PRRC2B: variants seen among roughly 807,000 people sequenced by gnomAD.
PRRC2B encodes the protein protein PRRC2B.
In PRRC2B, 68 loss-of-function variants were observed where a neutral mutation model predicts 242.3. The ratio of observed to expected loss-of-function variants is 0.28; its 90% CI spans 0.23 to 0.34. The LOEUF (loss-of-function observed/expected upper bound fraction) is 0.34, where lower values mean the gene tolerates loss of function less well. Among genes scored for constraint, PRRC2B ranks in the 10% least tolerant of loss-of-function variants. PRRC2B has a pLI of 1.00. For missense variants in PRRC2B, 2,835 were observed against 2,954.8 expected (o/e 0.96, Z 0.94); for synonymous variants, 1,228 against 1,173.6 (o/e 1.05, Z -0.95).
At chr9:131,455,867 C>T (rs926698110) in intron 10 of PRRC2B, among the ~76,000 whole-genome samples, 9 of 151,848 alleles carry the variant, frequency 5.9e-5, no homozygotes, top group Middle Eastern at 6.8e-3. Flanking sequence ...AATTCCAGCA[C>T]TTTGGGAGGC....
At chr9:131,411,131 C>T (rs970674931) in intron 1 of PRRC2B, among the ~76,000 whole-genome samples, 1 of 151,616 alleles carries the variant, frequency 6.6e-6, no homozygotes, top group Non-Finnish European at 1.5e-5. Context: ...GTGGCAGGCA[C>T]CTGTAATCCC....
chr9:131,457,978 C>T (rs1394276504), intron 10 of PRRC2B, among the ~76,000 whole-genome samples: 2 of 152,150 alleles, frequency 1.3e-5, no homozygotes, highest in Non-Finnish European at 2.9e-5. Flanking sequence ...TCCCGCTTTT[C>T]TCTGATCTGC....
At chr9:131,411,513 A>AT (rs1385772377) in intron 1 of PRRC2B, among the ~76,000 whole-genome samples, 7 of 150,606 alleles carry the variant, frequency 4.6e-5, no homozygotes, top group African/African-American at 1.7e-4. Context: ...CGCCTGGCTA[A>AT]TTTTTTGTAT....
intron 1 of PRRC2B, among the ~76,000 whole-genome samples, chr9:131,408,908 G>A (rs1182461245): frequency 2.6e-5 from 4 of 151,904 alleles, no homozygotes; most frequent in Admixed American, 2.0e-4. Context: ...CAGTAGAGAC[G>A]AGGTTTCTCC....
intron 1 of PRRC2B, among the ~76,000 whole-genome samples, chr9:131,425,519 C>T (rs532330510): frequency 6.6e-6 from 1 of 151,988 alleles, no homozygotes; most frequent in Admixed American, 6.6e-5. Context: ...GATGGAGTTT[C>T]GCTCTGTCAC....
rs1282204105 is a variant in PRRC2B, at chr9:131,482,232, G to A, written c.4984-139G>A. 1.2e-5 allele frequency: 11 copies of A among 944,378 alleles called. No individual in the cohort carries two copies. Among genetic ancestry groups the A allele is most frequent in the Middle Eastern group, 6.0e-4 (2 of 3,324 alleles). 58.5% of individuals were successfully genotyped at this position (944,378 alleles called of 1,614,324 possible). A position where few individuals can be genotyped will look rare whatever the true frequency, so the allele number is the denominator to read the frequency against. Reference sequence around the variant, plus strand: ...CGTAAGTTGTCAGGCATCCTCAGCAGGGCAGGATCAAGATCAGGACCAGAC... The same window carrying A: ...CGTAAGTTGTCAGGCATCCTCAGCAAGGCAGGATCAAGATCAGGACCAGAC... On this transcript the variant is annotated intron_variant, in intron 20 of 31. Transcript: ENST00000683519. This position sits in a 1 kb window ranked among gnomAD's most constrained non-coding sequence, Gnocchi z 5.2.
chr9:131,473,453 A>C (rs753789406), intron 14 of PRRC2B, 55 bp from the exon 15 acceptor site: 348 of 1,390,678 alleles, frequency 2.5e-4, no homozygotes, highest in Non-Finnish European at 2.6e-4. Context: ...TGACCCTGAG[A>C]TTGGAGCAGG....
At chr9:131,495,140 G>T (rs1944296084) in intron 31 of PRRC2B, among the ~76,000 whole-genome samples, 1 of 152,142 alleles carries the variant, frequency 6.6e-6, no homozygotes. Flanking sequence ...TTCAGACCTG[G>T]TGGGGGGCAG....
intron 5 of PRRC2B, among the ~76,000 whole-genome samples, chr9:131,440,991 C>T (rs1034599913): frequency 4.6e-5 from 7 of 152,078 alleles, no homozygotes; most frequent in African/African-American, 7.2e-5. Flanking sequence ...GTCCCAGCTA[C>T]TTGGGAGGCT....
At chr9:131,460,113 T>G (rs1347414534) in intron 11 of PRRC2B, among the ~76,000 whole-genome samples, 1 of 152,226 alleles carries the variant, frequency 6.6e-6, no homozygotes, top group Non-Finnish European at 1.5e-5. Context: ...CTTTACACTG[T>G]GGTACTTGTT....
chr9:131,495,268 G>A (rs976746974), intron 31 of PRRC2B, among the ~76,000 whole-genome samples: 3 of 152,122 alleles, frequency 2.0e-5, no homozygotes, highest in African/African-American at 4.8e-5. Context: ...ATGGTGGGGG[G>A]GTTGGCTGAA....
chr9:131,447,980 T>G, intron 9 of PRRC2B, 176 bp downstream of exon 9: 1 of 515,478 alleles, frequency 1.9e-6, no homozygotes, highest in South Asian at 5.7e-5. Flanking sequence ...TGACTAGAGG[T>G]TCCTTCCTGG....
chr9:131,411,646 T>C (rs1343118256), intron 1 of PRRC2B, among the ~76,000 whole-genome samples: 1 of 151,982 alleles, frequency 6.6e-6, no homozygotes, highest in East Asian at 1.9e-4. Flanking sequence ...CCTGGCCTCA[T>C]TTGTACTATT....
At position 131,398,067 on chromosome 9, in the gene PRRC2B, A is replaced by G. The variant is rs186931122; in HGVS notation, c.-52+3804A>G. On this transcript the variant is annotated intron_variant, in intron 1 of 31. Transcript: ENST00000683519. Reference sequence around the variant, plus strand: ...ACAGGCACTGGCTGTGGTGTTGGAGATGGGAGCGACATGGGATATGGTGAG... The same window carrying G: ...ACAGGCACTGGCTGTGGTGTTGGAGGTGGGAGCGACATGGGATATGGTGAG... Among the ~76,000 whole-genome samples, 310 of 152,244 alleles carry G rather than the reference A, an allele frequency of 2.0e-3. 2 individuals are homozygous for G. The highest frequency in any genetic ancestry group is 3.1e-3 in the Non-Finnish European group (211 of 68,020).
chr9:131,485,550 G>T (rs982367647), intron 25 of PRRC2B: 2 of 512,968 alleles, frequency 3.9e-6, no homozygotes, highest in African/African-American at 3.8e-5. Flanking sequence ...AAAGGGCTTT[G>T]TATCAACAGA....
chr9:131,443,920 C>T lies in PRRC2B; in HGVS notation c.470-265C>T, dbSNP rs944231799. Among the ~76,000 whole-genome samples the T allele has an allele frequency of 3.3e-5, 5 of 152,186 alleles. No homozygotes were observed. The East Asian group carries it at 5.8e-4, about 18-fold the overall frequency. On this transcript the variant is annotated intron_variant, in intron 5 of 31. Transcript: ENST00000683519. ...TGCTGGGGCAGGCTGTGGCCTGGAG[C>T]GGCTGTGATGTCTTACCTCTTTCCA...
At chr9:131,451,745 C>T (rs1238811743) in intron 9 of PRRC2B, among the ~76,000 whole-genome samples, 1 of 152,086 alleles carries the variant, frequency 6.6e-6, no homozygotes, top group African/African-American at 2.4e-5. Context: ...CCTTCTGTGT[C>T]TAGTTTGCTG....
chr9:131,457,939 C>T (rs1229123922), intron 10 of PRRC2B, among the ~76,000 whole-genome samples: 5 of 152,136 alleles, frequency 3.3e-5, no homozygotes, highest in Non-Finnish European at 7.3e-5. Context: ...TGGGTAGACA[C>T]ACAGGCCCAC....
chr9:131,455,335 A>G (rs1943040271), intron 10 of PRRC2B, among the ~76,000 whole-genome samples, 169 bp downstream of exon 10: 1 of 152,042 alleles, frequency 6.6e-6, no homozygotes, highest in Admixed American at 6.6e-5. Context: ...GAGGGGAGCC[A>G]GGGTTTGCCT....
Sources: gnomAD v4.1 joint callset for allele counts (sites outside exome capture counted in the v4.1 genomes callset) on GRCh38, gnomAD v4.1.1 for gene constraint, Gnocchi (gnomAD v3.1) non-coding constraint, MANE v1.5 for transcripts, NCBI Gene and HGNC (gene_info 2026-07-23, HGNC 2026-07-21) for gene names.